The following KCNH5 variants were observed in gnomAD, a reference collection of about 807,000 sequenced individuals.
KCNH5 encodes the protein potassium voltage-gated channel subfamily H member 5, also known as voltage-gated delayed rectifier potassium channel KCNH5.
Under a neutral mutation model 96.1 loss-of-function variants are expected in KCNH5, and 46 were observed. The observed-to-expected ratio is 0.48, with a 90% CI of 0.38 to 0.61. The LOEUF (loss-of-function observed/expected upper bound fraction) is 0.61. KCNH5 is among the 20% of genes least tolerant of loss of function. The probability of loss-of-function intolerance (pLI) is 0.00; values close to 1 mark genes in which losing one functional copy is unlikely to be tolerated. For missense variants in KCNH5, 907 were observed against 1,225.8 expected (o/e 0.74, Z 3.88); for synonymous variants, 439 against 449.8 (o/e 0.98, Z 0.30).
At chr14:62,844,476 C>G (rs10139105) in intron 8 of KCNH5, among the ~76,000 whole-genome samples, 15,269 of 152,114 alleles carry the variant, frequency 0.1, 1,059 homozygotes, top group East Asian at 0.29. Context: ...TGAGCTTCAA[C>G]CATCATCCTT....
intron 2 of KCNH5, among the ~76,000 whole-genome samples, chr14:63,008,251 T>C (rs973822263): frequency 2.0e-5 from 3 of 151,974 alleles, no homozygotes; most frequent in African/African-American, 7.2e-5. Flanking sequence ...AGAAAAAGAA[T>C]ACAAAATTAT....
At chr14:62,986,381 T>C (rs771050804) in intron 5 of KCNH5, among the ~76,000 whole-genome samples, 4 of 152,156 alleles carry the variant, frequency 2.6e-5, no homozygotes, top group Admixed American at 6.6e-5. Context: ...ACCACCACCA[T>C]TTCACTATAT....
rs1888788081 is a variant in KCNH5 at position 62,895,285 on chromosome 14, T to C, written c.1370-45433A>G. Among the ~76,000 whole-genome samples the C allele has an allele frequency of 3.3e-5, 5 of 152,110 alleles. No individual in the cohort carries two copies. The South Asian group carries it at 1.0e-3, about 32-fold the overall frequency. On this transcript the variant is annotated intron_variant, in intron 7 of 10. Coordinates refer to ENST00000322893, the MANE Select transcript of KCNH5 (RefSeq NM_139318.5). ...ACAAATTTAACCCTTCTGGTATCAG[T>C]ACAGATTAAGAACTCTATTAGTCAA...
chr14:63,020,036 G>C (rs1196407781), intron 1 of KCNH5, among the ~76,000 whole-genome samples: 1 of 151,998 alleles, frequency 6.6e-6, no homozygotes, highest in Admixed American at 6.6e-5. Flanking sequence ...TTCACACACA[G>C]AAAAGAGAAA....
chr14:62,729,400 G>A (rs184725111), intron 10 of KCNH5, among the ~76,000 whole-genome samples: 1 of 152,274 alleles, frequency 6.6e-6, no homozygotes, highest in South Asian at 2.1e-4. Context: ...CTGGGCAAAG[G>A]AGGACATATG....
At chr14:63,011,949 A>G (rs913477849) in intron 2 of KCNH5, among the ~76,000 whole-genome samples, 2 of 152,174 alleles carry the variant, frequency 1.3e-5, no homozygotes, top group Non-Finnish European at 2.9e-5. Context: ...TCTTTCAAAA[A>G]AATGTATCTG....
At chr14:62,973,755 C>T (rs1317582805) in intron 6 of KCNH5, among the ~76,000 whole-genome samples, 1 of 152,026 alleles carries the variant, frequency 6.6e-6, no homozygotes, top group Non-Finnish European at 1.5e-5. Context: ...TAGGTATATC[C>T]TAGTTATACC....
chr14:62,765,674 CA>C (rs1885844194), intron 10 of KCNH5, among the ~76,000 whole-genome samples: 1 of 151,926 alleles, frequency 6.6e-6, no homozygotes, highest in South Asian at 2.1e-4. Context: ...AATTAACAAG[CA>C]AAAAACAAAC....
intron 10 of KCNH5, among the ~76,000 whole-genome samples, chr14:62,710,243 G>C (rs887815002): frequency 6.6e-6 from 1 of 152,156 alleles, no homozygotes. Context: ...TCAGTTTATC[G>C]AGTGGTACTA....
At chr14:62,756,245 A>C (rs776932136) in intron 10 of KCNH5, among the ~76,000 whole-genome samples, 2 of 152,118 alleles carry the variant, frequency 1.3e-5, no homozygotes, top group Non-Finnish European at 2.9e-5. Context: ...TTAAGTAGAG[A>C]ATAATAAGAT....
chr14:62,726,654 G>A (rs1884932232), intron 10 of KCNH5, among the ~76,000 whole-genome samples: 1 of 152,030 alleles, frequency 6.6e-6, no homozygotes, highest in African/African-American at 2.4e-5. Flanking sequence ...ATCTTATGGG[G>A]GAATGCAAAT....
chr14:62,786,775 T>C (rs1886329167), intron 9 of KCNH5, among the ~76,000 whole-genome samples: 1 of 152,194 alleles, frequency 6.6e-6, no homozygotes, highest in South Asian at 2.1e-4. Context: ...TATTATTATA[T>C]CTGTTATGGA....
chr14:62,956,113 G>A (rs1175615005), intron 6 of KCNH5, among the ~76,000 whole-genome samples: 1 of 152,112 alleles, frequency 6.6e-6, no homozygotes, highest in African/African-American at 2.4e-5. Flanking sequence ...CTCTTGAACA[G>A]GCCTCCAATG....
intron 7 of KCNH5, among the ~76,000 whole-genome samples, chr14:62,931,371 C>T (rs1002912982): frequency 2.0e-5 from 3 of 152,080 alleles, no homozygotes; most frequent in Non-Finnish European, 2.9e-5. Flanking sequence ...GCAGAACTAA[C>T]AGACCTATGC....
At chr14:62,933,195 T>C (rs1425015079) in intron 7 of KCNH5, among the ~76,000 whole-genome samples, 1 of 151,800 alleles carries the variant, frequency 6.6e-6, no homozygotes, top group Non-Finnish European at 1.5e-5. Flanking sequence ...GAGGTTAGAG[T>C]TACAGAATGG....
Position 63,000,981 on chromosome 14 carries a change from G to A in KCNH5, c.433+350C>T, listed in dbSNP as rs147851775. Among the ~76,000 whole-genome samples, 186 of 152,210 alleles carry A rather than the reference G, an allele frequency of 1.2e-3. 1 individual carries two copies. Among genetic ancestry groups the A allele is most frequent in the African/African-American group, 4.4e-3 (183 of 41,532 alleles). ...TCCCAGCTACTCAGGAGGCTGAGGT[G>A]GGGGGACCACTTGAGACTGGGAGAT... On this transcript the variant is annotated intron_variant, in intron 4 of 10. Coordinates refer to ENST00000322893, the MANE Select transcript of KCNH5 (RefSeq NM_139318.5).
chr14:63,010,156 T>A (rs1371643513), intron 2 of KCNH5, among the ~76,000 whole-genome samples: 1 of 152,214 alleles, frequency 6.6e-6, no homozygotes, highest in Non-Finnish European at 1.5e-5. Context: ...AGTCATGGTA[T>A]AACAGAGGAC....
At position 62,782,736 on chromosome 14, in the gene KCNH5, G is replaced by A. The variant is rs28653331; in HGVS notation, c.1823-2812C>T. On this transcript the variant is annotated intron_variant, in intron 9 of 10. Coordinates refer to ENST00000322893, the MANE Select transcript of KCNH5 (RefSeq NM_139318.5). ...TGAGGCAGGAGAATGGCGTGAACCCGGGAGGCAGAGCTTGCAGTGAGCTGA... is the reference window on the plus strand; with the variant it reads ...TGAGGCAGGAGAATGGCGTGAACCCAGGAGGCAGAGCTTGCAGTGAGCTGA... 5.7e-3 allele frequency among the ~76,000 whole-genome samples: 865 copies of A among 152,138 alleles called. 10 individuals are homozygous for A. The highest frequency in any genetic ancestry group is 0.02 in the African/African-American group (821 of 41,514).
chr14:62,985,755 A>G (rs1185224735), intron 5 of KCNH5, among the ~76,000 whole-genome samples: 1 of 152,164 alleles, frequency 6.6e-6, no homozygotes, highest in African/African-American at 2.4e-5. Flanking sequence ...ACTGAAGCCT[A>G]CAATTCAAAC....
Sources: gnomAD v4.1 joint callset for allele counts (sites outside exome capture counted in the v4.1 genomes callset) on GRCh38, gnomAD v4.1.1 for gene constraint, MANE v1.5 for transcripts, NCBI Gene and HGNC (gene_info 2026-07-23, HGNC 2026-07-21) for gene names.